The following SOBP variants were observed in gnomAD, a reference collection of about 807,000 sequenced individuals.
The protein encoded by SOBP is sine oculis binding protein homolog.
In SOBP, 4 loss-of-function variants were observed where a neutral mutation model predicts 53.6. That is an observed-to-expected ratio of 0.07 (90% confidence interval 0.04 to 0.17). SOBP has a LOEUF of 0.17. Among genes scored for constraint, SOBP ranks in the 10% least tolerant of loss-of-function variants. The probability of loss-of-function intolerance (pLI) is 1.00; values close to 1 mark genes in which losing one functional copy is unlikely to be tolerated. For missense variants in SOBP, 1,088 were observed against 1,204.7 expected, an observed-to-expected ratio of 0.90 and a Z score of 1.43; for synonymous variants, 584 against 522.6, an observed-to-expected ratio of 1.12 and a Z score of -1.60.
intron 5 of SOBP, among the ~76,000 whole-genome samples, chr6:107,596,123 T>G (rs1031704972): frequency 6.6e-6 from 1 of 152,198 alleles, no homozygotes; most frequent in Non-Finnish European, 1.5e-5. Flanking sequence ...CTTGTCTCTC[T>G]CATTCATTGC....
chr6:107,532,241 T>TCACACA lies in SOBP; in HGVS notation c.422-1192_422-1187dup, dbSNP rs10525191. Among the ~76,000 whole-genome samples the TCACACA allele has an allele frequency of 4.2e-3, 587 of 139,680 alleles. 6 individuals carry two copies. Among genetic ancestry groups the TCACACA allele is most frequent in the African/African-American group, 0.012 (463 of 38,896 alleles). 91.6% of individuals were successfully genotyped at this position (139,680 alleles called of 152,430 possible). On this transcript the variant is annotated intron_variant, in intron 3 of 6. Transcript: ENST00000317357. ...ATGTGGCAATCAGTCTCTCTCTCTC[T>TCACACA]CACACACACACACACACACACACAC...
intron 6 of SOBP, among the ~76,000 whole-genome samples, chr6:107,655,087 T>C (rs936432496): frequency 1.3e-5 from 2 of 152,098 alleles, no homozygotes; most frequent in African/African-American, 4.8e-5. Flanking sequence ...TTGTAGTAAT[T>C]TCCCCTTTGC....
intron 1 of SOBP, among the ~76,000 whole-genome samples, chr6:107,498,178 T>C (rs1218331260): frequency 6.6e-6 from 1 of 152,208 alleles, no homozygotes; most frequent in Non-Finnish European, 1.5e-5. Context: ...ACATTGTTTT[T>C]GGAATAGATG....
At chr6:107,578,483 G>C (rs990389833) in intron 4 of SOBP, among the ~76,000 whole-genome samples, 3 of 152,128 alleles carry the variant, frequency 2.0e-5, no homozygotes, top group Admixed American at 2.0e-4. Flanking sequence ...AGACTGCCTG[G>C]GTTTGAATCC....
intron 2 of SOBP, among the ~76,000 whole-genome samples, chr6:107,505,712 A>G (rs530613202): frequency 2.0e-5 from 3 of 152,196 alleles, no homozygotes; most frequent in South Asian, 4.1e-4. Flanking sequence ...GTGCAGTAGC[A>G]TGATCTCAGC....
intron 4 of SOBP, among the ~76,000 whole-genome samples, chr6:107,552,080 ATAG>A (rs943707811): frequency 3.3e-5 from 5 of 152,312 alleles, no homozygotes; most frequent in African/African-American, 1.2e-4. Context: ...AAGCTTGAAA[ATAG>A]TAGGTAAATA....
intron 3 of SOBP, among the ~76,000 whole-genome samples, chr6:107,531,935 C>T (rs547969218): frequency 6.6e-6 from 1 of 152,272 alleles, no homozygotes; most frequent in South Asian, 2.1e-4. Context: ...CATATCTCTG[C>T]ACTACAAATT....
intron 5 of SOBP, among the ~76,000 whole-genome samples, chr6:107,589,479 C>T (rs763152032): frequency 3.3e-5 from 5 of 152,156 alleles, no homozygotes; most frequent in African/African-American, 7.2e-5. Flanking sequence ...AAAGCAAAAT[C>T]GATGCCCGGA....
intron 4 of SOBP, among the ~76,000 whole-genome samples, chr6:107,555,197 GA>G (rs5878918): frequency 0.39 from 52,787 of 135,576 alleles, 10,836 homozygotes; most frequent in East Asian, 0.61. Flanking sequence ...GTAAGAGAAT[GA>G]AAAAAAAAAA....
At chr6:107,599,192 CT>C (rs1366484980) in intron 5 of SOBP, among the ~76,000 whole-genome samples, 1 of 152,096 alleles carries the variant, frequency 6.6e-6, no homozygotes, top group Non-Finnish European at 1.5e-5. Context: ...GTTTCTGCAT[CT>C]GTAAAACAGA....
At chr6:107,549,055 C>G (rs1784388547) in intron 4 of SOBP, among the ~76,000 whole-genome samples, 1 of 152,116 alleles carries the variant, frequency 6.6e-6, no homozygotes. Context: ...ATCATGAGTT[C>G]AGGAGATCGA....
intron 4 of SOBP, among the ~76,000 whole-genome samples, chr6:107,581,022 C>A (rs1287130762): frequency 6.6e-6 from 1 of 152,222 alleles, no homozygotes; most frequent in African/African-American, 2.4e-5. Flanking sequence ...TATTCATTCG[C>A]TCACTCGGTC....
Position 107,560,458 on chromosome 6 carries a change from C to G in SOBP, c.574-26622C>G, listed in dbSNP as rs1471978246. ...ACGGATTCCTTCCTCTCTGGATTCT[C>G]TCCTTCAAGTACCTGACTGTCCAGG... is the stretch of plus-strand genomic sequence containing the variant. On this transcript the variant is annotated intron_variant, in intron 4 of 6. Coordinates refer to ENST00000317357, the MANE Select transcript of SOBP (RefSeq NM_018013.4). 2.0e-5 allele frequency among the ~76,000 whole-genome samples: 3 copies of G among 152,152 alleles called. No homozygotes were observed. The East Asian group carries it at 5.8e-4, about 29-fold the overall frequency.
intron 3 of SOBP, among the ~76,000 whole-genome samples, chr6:107,509,412 AAAAC>A (rs1783098291): frequency 6.7e-6 from 1 of 150,358 alleles, no homozygotes; most frequent in East Asian, 2.0e-4. Flanking sequence ...AAAAAAAAAC[AAAAC>A]AAAAAAGAAA....
intron 5 of SOBP, among the ~76,000 whole-genome samples, chr6:107,629,462 C>A (rs992104722): frequency 6.6e-6 from 1 of 152,100 alleles, no homozygotes; most frequent in African/African-American, 2.4e-5. Flanking sequence ...TTTTCTTAAG[C>A]CCAGAAGAAC....
chr6:107,653,774 G>C (rs1259584703), intron 6 of SOBP, among the ~76,000 whole-genome samples: 2 of 152,312 alleles, frequency 1.3e-5, no homozygotes, highest in East Asian at 1.9e-4. Flanking sequence ...GGAAATGTTG[G>C]GATGTAGAAT....
At chr6:107,649,597 C>T (rs1229793101) in intron 6 of SOBP, among the ~76,000 whole-genome samples, 1 of 151,632 alleles carries the variant, frequency 6.6e-6, no homozygotes, top group Non-Finnish European at 1.5e-5. Flanking sequence ...ACAGCTCTAT[C>T]ATGTAATTCT....
chr6:107,526,733 A>T (rs1783676682), intron 3 of SOBP, among the ~76,000 whole-genome samples: 1 of 152,240 alleles, frequency 6.6e-6, no homozygotes, highest in Non-Finnish European at 1.5e-5. Context: ...TAAATAATTT[A>T]AAATTGGGTA....
At chr6:107,588,721 T>A (rs902804933) in intron 5 of SOBP, among the ~76,000 whole-genome samples, 40 of 152,208 alleles carry the variant, frequency 2.6e-4, no homozygotes, top group African/African-American at 9.2e-4. Context: ...CAGTTTATAC[T>A]GGAGGAAGCA....
Sources: allele counts gnomAD v4.1 joint callset (sites outside exome capture counted in the v4.1 genomes callset), GRCh38; gene constraint gnomAD v4.1.1; transcripts MANE v1.5; gene names NCBI Gene and HGNC (gene_info 2026-07-23, HGNC 2026-07-21).